Variants in ALG8 observed in about 807,000 individuals in gnomAD.
The protein encoded by ALG8 is ALG8 alpha-1,3-glucosyltransferase, also known as dolichyl pyrophosphate Glc1Man9GlcNAc2 alpha-1,3-glucosyltransferase.
Under a neutral mutation model 70.2 loss-of-function variants are expected in ALG8, and 48 were observed. That is an observed-to-expected ratio of 0.68 (90% CI 0.54 to 0.87). The LOEUF is 0.87. ALG8 is among the 40% of genes least tolerant of loss of function. The pLI, the probability that ALG8 is intolerant of heterozygous loss-of-function variation, is 0.00. For synonymous variants in ALG8, 234 were observed against 229.0 expected (o/e 1.02, Z -0.20); for missense variants, 572 against 608.7 (o/e 0.94, Z 0.64).
chr11:78,125,363 G>A lies in ALG8; in HGVS notation c.175-1149C>T, dbSNP rs1182183115. Among the ~76,000 whole-genome samples, 3 of 151,594 alleles carry A rather than the reference G, an allele frequency of 2.0e-5. No individual in the cohort carries two copies. The East Asian group carries it at 5.8e-4, about 29-fold the overall frequency. ...TCACTTTTTGCACCTATACAACAGG[G>A]ATAGTAGTATCTACCTCATGGGTTA... On this transcript the variant is annotated intron_variant, in intron 2 of 12. Coordinates refer to ENST00000299626, the MANE Select transcript of ALG8 (RefSeq NM_024079.5).
chr11:78,122,938 G>A (rs943013946), intron 3 of ALG8, among the ~76,000 whole-genome samples: 1 of 152,062 alleles, frequency 6.6e-6, no homozygotes, highest in Non-Finnish European at 1.5e-5. Flanking sequence ...AAACAGAAAC[G>A]ATCCATTTAT....
chr11:78,101,060 G>T lies in ALG8; in HGVS notation c.1485C>A (p.Thr495=). The part of the protein sequence containing the change: ...VKYPFIPLLL[T]SVYCAVGITY... Reference sequence around the variant, plus strand: ...TGATGCCTACTGCACAATACACTGAGGTTAGTAACAAAGGGATGAAGGGGT... The same window carrying T: ...TGATGCCTACTGCACAATACACTGATGTTAGTAACAAAGGGATGAAGGGGT... The change falls in exon 13 of 13, where the codon ACC becomes ACA. Residue 495 remains threonine, a synonymous_variant. Coordinates refer to ENST00000299626, the MANE Select transcript of ALG8 (RefSeq NM_024079.5). 6.2e-7 allele frequency: 1 copy of T among 1,614,190 alleles called. No individual in the cohort carries two copies. Among genetic ancestry groups the T allele is most frequent in the Non-Finnish European group, 8.5e-7 (1 of 1,180,026 alleles).
At chr11:78,135,888 G>A (rs899205681) in intron 1 of ALG8, among the ~76,000 whole-genome samples, 9 of 148,222 alleles carry the variant, frequency 6.1e-5, no homozygotes, top group African/African-American at 2.3e-4. Context: ...AAAAATAATG[G>A]GTGGGTGCAG....
rs1294220701 is a variant in ALG8 at position 78,138,212 on chromosome 11, G to A, written c.95+1282C>T. On this transcript the variant is annotated intron_variant, in intron 1 of 12. Transcript: ENST00000299626. ...AAAAATACAAAAATTAGCCTGGCGC[G>A]GTGGTGCAAGCCTGTAATCCCAGCT... 2.6e-5 allele frequency among the ~76,000 whole-genome samples: 4 copies of A among 152,046 alleles called. 1 individual carries two copies. The highest frequency in any genetic ancestry group is 4.4e-5 in the Non-Finnish European group (3 of 67,994).
chr11:78,111,969 T>C (rs1398773105), intron 8 of ALG8, among the ~76,000 whole-genome samples: 2 of 152,086 alleles, frequency 1.3e-5, no homozygotes, highest in African/African-American at 4.8e-5. Flanking sequence ...TTCTTGTATG[T>C]TTAGGTTTAA....
intron 9 of ALG8, among the ~76,000 whole-genome samples, chr11:78,108,497 C>G (rs189656272): frequency 4.6e-5 from 7 of 152,198 alleles, no homozygotes; most frequent in Admixed American, 2.0e-4. Flanking sequence ...AGTCTAACAA[C>G]TTATTACATC....
At chr11:78,108,070 G>A (rs560814574) in intron 9 of ALG8, among the ~76,000 whole-genome samples, 2 of 151,998 alleles carry the variant, frequency 1.3e-5, no homozygotes, top group South Asian at 4.2e-4. Flanking sequence ...ACGAGGTCAG[G>A]AGATCGAGAC....
intron 5 of ALG8, chr11:78,114,795 G>A (rs992087910): frequency 5.2e-6 from 2 of 383,792 alleles, no homozygotes; most frequent in African/African-American, 4.3e-5. Flanking sequence ...GGGAGGCCCT[G>A]TCTCTACAAA....
chr11:78,129,177 T>C (rs529597803), intron 1 of ALG8, among the ~76,000 whole-genome samples: 66 of 151,664 alleles, frequency 4.4e-4, no homozygotes, highest in African/African-American at 1.5e-3. Context: ...TTCCAGCACT[T>C]TGGGAGGCTG....
intron 8 of ALG8, 152 bp from the exon 9 acceptor site, chr11:78,109,733 T>C: frequency 1.2e-6 from 1 of 800,126 alleles, no homozygotes; most frequent in Non-Finnish European, 2.0e-6. Flanking sequence ...CCTATACTAT[T>C]CTACCCAAAA....
intron 8 of ALG8, among the ~76,000 whole-genome samples, chr11:78,111,219 CT>C (rs1387667455): frequency 1.3e-5 from 2 of 152,198 alleles, no homozygotes; most frequent in Non-Finnish European, 2.9e-5. Flanking sequence ...TTTTAGCCCC[CT>C]GAGGTACAGA....
intron 2 of ALG8, among the ~76,000 whole-genome samples, chr11:78,126,532 C>CAA (rs61070879): frequency 0.27 from 33,824 of 126,410 alleles, 6,029 homozygotes; most frequent in African/African-American, 0.53. Context: ...GACTCTGTCT[C>CAA]AAAAAAAAAA....
At chr11:78,126,391 G>A (rs1428326779) in intron 2 of ALG8, among the ~76,000 whole-genome samples, 2 of 151,314 alleles carry the variant, frequency 1.3e-5, no homozygotes, top group African/African-American at 2.4e-5. Flanking sequence ...ATTAACTGGG[G>A]CATGGTGGCG....
Position 78,106,829 on chromosome 11 carries a change from G to A in ALG8, c.1156C>T (p.Leu386Phe). 1 of 1,614,104 alleles carries A rather than the reference G, an allele frequency of 6.2e-7. No individual in the cohort carries two copies. Among genetic ancestry groups the A allele is most frequent in the Non-Finnish European group, 8.5e-7 (1 of 1,179,988 alleles). The change falls in exon 10 of 13, where the codon CTT becomes TTT. Residue 386 changes from leucine to phenylalanine, a missense_variant. By Grantham distance (22) the Leu-to-Phe change is conservative. Transcript: ENST00000299626. ...TACCTCATTGGGAGAATTGCTAGAA[G>A]TATGGCTTTTTCATGAACATGCCAC... ...FGWHVHEKAI[L>F]LAILPMSLLS...
At chr11:78,134,447 C>A (rs990233262) in intron 1 of ALG8, among the ~76,000 whole-genome samples, 1 of 152,124 alleles carries the variant, frequency 6.6e-6, no homozygotes, top group Admixed American at 6.6e-5. Context: ...AAGACTGTGG[C>A]AATTGCTTAA....
At chr11:78,130,520 T>G (rs1590839958) in intron 1 of ALG8, among the ~76,000 whole-genome samples, 1 of 152,286 alleles carries the variant, frequency 6.6e-6, no homozygotes, top group East Asian at 1.9e-4. Context: ...TGATTTGCAC[T>G]TCTGGTATTT....
At position 78,118,731 on chromosome 11, in the gene ALG8, G is replaced by C. The variant is rs143099095; in HGVS notation, c.546+451C>G. Among the ~76,000 whole-genome samples, 290 of 151,962 alleles carry C rather than the reference G, an allele frequency of 1.9e-3. 2 individuals carry two copies. Among genetic ancestry groups the C allele is most frequent in the African/African-American group, 6.8e-3 (281 of 41,462 alleles). ...GGCCGAGGCAGGAGGATCACTTGAGGTCAGGAGTTCGAGCCAACATGGCAA... is the reference window on the plus strand; with the variant it reads ...GGCCGAGGCAGGAGGATCACTTGAGCTCAGGAGTTCGAGCCAACATGGCAA... On this transcript the variant is annotated intron_variant, in intron 5 of 12. Transcript: ENST00000299626.
At chr11:78,134,597 G>A (rs116540385) in intron 1 of ALG8, among the ~76,000 whole-genome samples, 3,017 of 152,224 alleles carry the variant, frequency 0.02, 102 homozygotes, top group African/African-American at 0.069. Context: ...CTCAAACCCT[G>A]CCACTGATTA....
intron 12 of ALG8, 135 bp from the exon 13 acceptor site, chr11:78,101,330 T>C: frequency 1.3e-6 from 1 of 792,642 alleles, no homozygotes; most frequent in South Asian, 1.6e-5. Context: ...CAAGAGTATA[T>C]TAAATTTCAC....
Sources: gnomAD v4.1 joint callset for allele counts (sites outside exome capture counted in the v4.1 genomes callset) on GRCh38, gnomAD v4.1.1 for gene constraint, MANE v1.5 for transcripts, NCBI Gene and HGNC (gene_info 2026-07-23, HGNC 2026-07-21) for gene names.